The following RBFOX1 variants were observed in gnomAD, a reference collection of about 807,000 sequenced individuals.
RBFOX1 encodes RNA binding protein fox-1 homolog 1.
RBFOX1 carries 8 observed loss-of-function variants against 57.7 expected under a neutral mutation model. That is an observed-to-expected ratio of 0.14 (90% CI 0.08 to 0.25). The LOEUF (loss-of-function observed/expected upper bound fraction) is 0.25. RBFOX1 is among the 10% of genes least tolerant of loss of function. RBFOX1 has a pLI of 1.00. For missense variants in RBFOX1, 611 were observed against 548.5 expected (o/e 1.11, Z -1.14); for synonymous variants, 326 against 222.4 (o/e 1.47, Z -4.15).
intron 4 of RBFOX1, among the ~76,000 whole-genome samples, chr16:7,204,114 T>C (rs1432058662): frequency 1.3e-5 from 2 of 152,324 alleles, no homozygotes; most frequent in East Asian, 3.9e-4. Flanking sequence ...AGGTGGGAAA[T>C]CCACGGCACC....
intron 3 of RBFOX1, among the ~76,000 whole-genome samples, chr16:6,929,782 C>CT (rs1387984549): frequency 4.6e-5 from 7 of 152,030 alleles, no homozygotes; most frequent in Admixed American, 6.6e-5. Context: ...TATCCTGTAG[C>CT]TTTTTTTATT....
chr16:5,989,869 CA>C (rs1567227269), intron 4 of RBFOX1, among the ~76,000 whole-genome samples: 20 of 116,502 alleles, frequency 1.7e-4, no homozygotes, highest in East Asian at 1.3e-3. Flanking sequence ...CACACACACA[CA>C]CACACACACA....
chr16:7,190,626 G>C (rs1046073179), intron 4 of RBFOX1, among the ~76,000 whole-genome samples: 2 of 151,986 alleles, frequency 1.3e-5, no homozygotes, highest in Admixed American at 1.3e-4. Flanking sequence ...TTGGTAGAGT[G>C]GTATTGCTAC....
At chr16:6,320,884 C>T (rs2081701654) in intron 2 of RBFOX1, among the ~76,000 whole-genome samples, 1 of 152,152 alleles carries the variant, frequency 6.6e-6, no homozygotes, top group Non-Finnish European at 1.5e-5. Flanking sequence ...GCCTTCACCT[C>T]CTGGGTTCAA....
chr16:5,782,715 C>T (rs562245218), intron 3 of RBFOX1, among the ~76,000 whole-genome samples: 2 of 152,288 alleles, frequency 1.3e-5, no homozygotes, highest in African/African-American at 2.4e-5. Flanking sequence ...TACATAATTA[C>T]AGAGGCTGAG....
At chr16:5,799,237 A>T (rs985463565) in intron 3 of RBFOX1, among the ~76,000 whole-genome samples, 7 of 152,050 alleles carry the variant, frequency 4.6e-5, no homozygotes, top group African/African-American at 1.7e-4. Flanking sequence ...TAAGTACAGT[A>T]TGGGGGAAAC....
At chr16:6,778,843 A>G (rs1836914922) in intron 3 of RBFOX1, among the ~76,000 whole-genome samples, 1 of 151,578 alleles carries the variant, frequency 6.6e-6, no homozygotes, top group South Asian at 2.1e-4. Flanking sequence ...TTAATTGAAT[A>G]CACATACACC....
chr16:7,543,207 C>T (rs1320266053), intron 5 of RBFOX1, among the ~76,000 whole-genome samples: 1 of 152,122 alleles, frequency 6.6e-6, no homozygotes, highest in Non-Finnish European at 1.5e-5. Flanking sequence ...TAGGGAATGG[C>T]CAATGGGAAT....
intron 1 of RBFOX1, among the ~76,000 whole-genome samples, chr16:5,396,817 G>C (rs943440560): frequency 6.6e-6 from 1 of 152,226 alleles, no homozygotes; most frequent in Non-Finnish European, 1.5e-5. Context: ...AACTCCAGCA[G>C]AGAGAGTAGA....
intron 2 of RBFOX1, among the ~76,000 whole-genome samples, chr16:5,594,922 A>C (rs897471797): frequency 3.4e-5 from 5 of 149,056 alleles, no homozygotes; most frequent in African/African-American, 1.2e-4. Context: ...ACTTGAGGTC[A>C]GGAGTTGGAG....
At chr16:5,319,942 A>T (rs540017272) in intron 1 of RBFOX1, among the ~76,000 whole-genome samples, 36 of 152,286 alleles carry the variant, frequency 2.4e-4, no homozygotes, top group African/African-American at 7.7e-4. Context: ...CATCTCTGTG[A>T]GGGGCATATA....
intron 2 of RBFOX1, among the ~76,000 whole-genome samples, chr16:5,569,504 C>G (rs1252543371): frequency 8.6e-6 from 1 of 115,856 alleles, no homozygotes; most frequent in Admixed American, 1.2e-4. Context: ...GTTCTGGCCA[C>G]TGTGCTAGGA....
At chr16:6,813,834 AC>A (rs1214640692) in intron 3 of RBFOX1, among the ~76,000 whole-genome samples, 2 of 151,758 alleles carry the variant, frequency 1.3e-5, no homozygotes, top group African/African-American at 2.4e-5. Context: ...CGCTGTTGAT[AC>A]CCCCAACCCC....
intron 2 of RBFOX1, among the ~76,000 whole-genome samples, chr16:6,612,774 C>T (rs951823167): frequency 1.3e-5 from 2 of 150,588 alleles, no homozygotes; most frequent in Non-Finnish European, 2.9e-5. Context: ...ATTACTTGAA[C>T]CTAGGAGGTG....
chr16:7,668,435 C>T (rs957290879), intron 13 of RBFOX1, among the ~76,000 whole-genome samples: 2 of 152,082 alleles, frequency 1.3e-5, no homozygotes, highest in African/African-American at 2.4e-5. Flanking sequence ...GTGAGCCAGA[C>T]ACGAAGGGAA....
chr16:7,439,283 A>T (rs2098747148), intron 4 of RBFOX1, among the ~76,000 whole-genome samples: 1 of 151,992 alleles, frequency 6.6e-6, no homozygotes, highest in Non-Finnish European at 1.5e-5. Context: ...GGTGCCAGTG[A>T]CGGTGATTTG....
chr16:7,234,588 A>ATGTG (rs138784510), intron 4 of RBFOX1, among the ~76,000 whole-genome samples: 6,379 of 141,804 alleles, frequency 0.045, 328 homozygotes, highest in African/African-American at 0.13. Flanking sequence ...GTGTATACAT[A>ATGTG]TGTGTGTGTG....
chr16:7,662,564 A>ATGTT (rs1274978963), intron 12 of RBFOX1, among the ~76,000 whole-genome samples: 12 of 152,186 alleles, frequency 7.9e-5, no homozygotes, highest in African/African-American at 2.9e-4. Flanking sequence ...TGAGAATAGA[A>ATGTT]TGTTAGTTAA....
chr16:7,637,001 A>T (rs905756371), intron 11 of RBFOX1, among the ~76,000 whole-genome samples: 1 of 152,170 alleles, frequency 6.6e-6, no homozygotes, highest in African/African-American at 2.4e-5. Flanking sequence ...CGGCTTCCAC[A>T]TATGAATTTG....
Sources: gnomAD v4.1 joint callset for allele counts (sites outside exome capture counted in the v4.1 genomes callset) on GRCh38, gnomAD v4.1.1 for gene constraint, MANE v1.5 for transcripts, NCBI Gene and HGNC (gene_info 2026-07-23, HGNC 2026-07-21) for gene names.